The following RFTN1 variants were observed in gnomAD, a reference collection of about 807,000 sequenced individuals.
The protein encoded by RFTN1 is raftlin, lipid raft linker 1.
A neutral mutation model predicts 46.5 loss-of-function variants in RFTN1; 26 were observed. That is an observed-to-expected ratio of 0.56 (90% CI 0.41 to 0.78). The LOEUF (loss-of-function observed/expected upper bound fraction) is 0.78. Ranked by LOEUF, RFTN1 falls within the 30% of genes least tolerant of loss-of-function variation. The pLI is 0.00. For synonymous variants in RFTN1, 261 were observed against 284.2 expected (o/e 0.92, Z 0.82); for missense variants, 693 against 718.7 (o/e 0.96, Z 0.41).
chr3:16,420,674 A>G (rs1312083075), intron 3 of RFTN1, among the ~76,000 whole-genome samples: 1 of 152,264 alleles, frequency 6.6e-6, no homozygotes, highest in Non-Finnish European at 1.5e-5. Context: ...CGGTTTTGCT[A>G]CAGCATGTTT....
At chr3:16,378,615 G>A (rs1308179220) in intron 4 of RFTN1, among the ~76,000 whole-genome samples, 1 of 152,206 alleles carries the variant, frequency 6.6e-6, no homozygotes, top group Non-Finnish European at 1.5e-5. Context: ...AGTTTTGGCA[G>A]AGAAGGGCAG....
chr3:16,436,334 G>A (rs2075513832), intron 2 of RFTN1, among the ~76,000 whole-genome samples: 1 of 149,808 alleles, frequency 6.7e-6, no homozygotes, highest in Admixed American at 6.7e-5. Flanking sequence ...TTTGCATATA[G>A]TGGGTTTTGC....
Position 16,380,370 on chromosome 3 carries a change from G to A in RFTN1, c.442-2268C>T, listed in dbSNP as rs551105272. On this transcript the variant is annotated intron_variant, in intron 4 of 9. Coordinates refer to ENST00000334133, the MANE Select transcript of RFTN1 (RefSeq NM_015150.2). The surrounding 1 kb of genome is among the most constrained non-coding windows in gnomAD (Gnocchi z 4.8). Reference sequence around the variant, plus strand: ...CTCCTTATCAGTCCTGGGCTTCTGCGGCCCTGCAGAGACTGCTGTCATCTA... The same window carrying A: ...CTCCTTATCAGTCCTGGGCTTCTGCAGCCCTGCAGAGACTGCTGTCATCTA... Among the ~76,000 whole-genome samples, 4 of 152,242 alleles carry A rather than the reference G, an allele frequency of 2.6e-5. No homozygotes were observed. Among genetic ancestry groups the A allele is most frequent in the South Asian group, 2.1e-4 (1 of 4,822 alleles).
intron 8 of RFTN1, among the ~76,000 whole-genome samples, chr3:16,324,631 T>G (rs746359862): frequency 1.7e-5 from 2 of 120,234 alleles, no homozygotes; most frequent in Non-Finnish European, 1.7e-5. Flanking sequence ...CCTTTTAAGG[T>G]TGCATAGTAT....
At position 16,384,471 on chromosome 3, in the gene RFTN1, C is replaced by T. The variant is rs75432564; in HGVS notation, c.442-6369G>A. Among the ~76,000 whole-genome samples the T allele has an allele frequency of 8.1e-3, 1,229 of 152,266 alleles. 26 individuals carry two copies. The highest frequency in any genetic ancestry group is 0.028 in the African/African-American group (1,173 of 41,552). On this transcript the variant is annotated intron_variant, in intron 4 of 9. Coordinates refer to ENST00000334133, the MANE Select transcript of RFTN1 (RefSeq NM_015150.2). The surrounding 1 kb of genome is among the most constrained non-coding windows in gnomAD (Gnocchi z 4.7). ...CATCTGGTATCGATTCCAGGTCCTACGTGAGAGGCTGAAGTGTGGCAGGGA... is the reference window on the plus strand; with the variant it reads ...CATCTGGTATCGATTCCAGGTCCTATGTGAGAGGCTGAAGTGTGGCAGGGA...
intron 7 of RFTN1, among the ~76,000 whole-genome samples, chr3:16,332,172 A>AT (rs1360525161): frequency 2.6e-5 from 4 of 151,534 alleles, no homozygotes; most frequent in African/African-American, 2.4e-5. Context: ...TGAAAAATGT[A>AT]TTTTTCCCCC....
rs1401494073 is a variant in RFTN1 at position 16,320,135 on chromosome 3, C to T, written c.1333-2903G>A. 6.6e-6 allele frequency among the ~76,000 whole-genome samples: 1 copy of T among 152,184 alleles called. No individual in the cohort carries two copies. The highest frequency in any genetic ancestry group is 1.9e-4 in the East Asian group (1 of 5,206). ...AGCAGGAGCCAATGGATTTAATTTG[C>T]ACATTTTAAAAACTGCCCATGATGT... On this transcript the variant is annotated intron_variant, in intron 9 of 9. Transcript: ENST00000334133. The surrounding 1 kb of genome is among the most constrained non-coding windows in gnomAD (Gnocchi z 4.5).
Position 16,342,966 on chromosome 3 carries a change from G to T in RFTN1, c.1146+14966C>A, listed in dbSNP as rs553607071. On this transcript the variant is annotated intron_variant, in intron 7 of 9. Coordinates refer to ENST00000334133, the MANE Select transcript of RFTN1 (RefSeq NM_015150.2). This position sits in a 1 kb window ranked among gnomAD's most constrained non-coding sequence, Gnocchi z 4.0. ...GTGAGCCTCCCACTACAGCCCCTCT[G>T]AGTCGCTGGGAATACAGGCACACAC... Among the ~76,000 whole-genome samples, 4 of 152,160 alleles carry T rather than the reference G, an allele frequency of 2.6e-5. No individual in the cohort carries two copies. The East Asian group carries it at 7.7e-4, about 29-fold the overall frequency.
intron 8 of RFTN1, among the ~76,000 whole-genome samples, chr3:16,324,689 T>TTA (rs1225720380): frequency 3.5e-4 from 41 of 116,622 alleles, no homozygotes; most frequent in African/African-American, 6.4e-4. Flanking sequence ...TGTGTGTATT[T>TTA]TATATATATA....
Position 16,376,930 on chromosome 3 carries a change from C to T in RFTN1, c.826+788G>A, listed in dbSNP as rs1484974281. On this transcript the variant is annotated intron_variant, in intron 5 of 9. Coordinates refer to ENST00000334133, the MANE Select transcript of RFTN1 (RefSeq NM_015150.2). The surrounding 1 kb of genome is among the most constrained non-coding windows in gnomAD (Gnocchi z 4.7). ...AACAATATTAACCAGGGAGATCATC[C>T]AGAAAGGCCTAAACAGAAAGCCCTC... Among the ~76,000 whole-genome samples, 2 of 151,990 alleles carry T rather than the reference C, an allele frequency of 1.3e-5. No individual in the cohort carries two copies. Among genetic ancestry groups the T allele is most frequent in the Non-Finnish European group, 2.9e-5 (2 of 67,982 alleles).
chr3:16,382,107 A>G lies in RFTN1; in HGVS notation c.442-4005T>C, dbSNP rs531876903. ...TCCAGGGAAATTCACACCCCCAAGA[A>G]GAGGAAGCATATTTGTAGCTCTGCT... On this transcript the variant is annotated intron_variant, in intron 4 of 9. Coordinates refer to ENST00000334133, the MANE Select transcript of RFTN1 (RefSeq NM_015150.2). The surrounding 1 kb of genome is among the most constrained non-coding windows in gnomAD (Gnocchi z 4.7). 4.6e-5 allele frequency among the ~76,000 whole-genome samples: 7 copies of G among 152,320 alleles called. No individual in the cohort carries two copies. The highest frequency in any genetic ancestry group is 3.9e-4 in the East Asian group (2 of 5,190).
intron 7 of RFTN1, among the ~76,000 whole-genome samples, chr3:16,343,454 C>T (rs2071441301): frequency 6.6e-6 from 1 of 152,324 alleles, no homozygotes; most frequent in East Asian, 1.9e-4. Flanking sequence ...TTTTCCTCCT[C>T]CAAGATAAAC....
At chr3:16,375,548 T>A (rs954223114) in intron 5 of RFTN1, among the ~76,000 whole-genome samples, 3 of 151,764 alleles carry the variant, frequency 2.0e-5, no homozygotes, top group Admixed American at 2.0e-4. Context: ...TGTGAAATGA[T>A]CCCTGTATGA....
intron 2 of RFTN1, among the ~76,000 whole-genome samples, chr3:16,444,355 G>A (rs1416395623): frequency 6.6e-6 from 1 of 152,200 alleles, no homozygotes; most frequent in Non-Finnish European, 1.5e-5. Flanking sequence ...TAGAAATCCT[G>A]TATGGATTTT....
In RFTN1 at chr3:16,450,058, C is replaced by A. The variant is rs1387617557; in HGVS notation, c.146-16021G>T. 1.1e-4 allele frequency among the ~76,000 whole-genome samples: 16 copies of A among 152,174 alleles called. No individual in the cohort carries two copies. The highest frequency in any genetic ancestry group is 1.5e-4 in the Non-Finnish European group (10 of 68,024). ...CAAAGCAAAGGCAGAAGACATGTCA[C>A]CCCCATCCTGACCACTCTCCATGCC... On this transcript the variant is annotated intron_variant, in intron 2 of 9. Transcript: ENST00000334133. This position sits in a 1 kb window ranked among gnomAD's most constrained non-coding sequence, Gnocchi z 4.6.
At chr3:16,508,651 G>T (rs562829984) in intron 1 of RFTN1, among the ~76,000 whole-genome samples, 1 of 151,280 alleles carries the variant, frequency 6.6e-6, no homozygotes, top group African/African-American at 2.4e-5. Flanking sequence ...AGATTCAAAC[G>T]TATGTCAAAA....
chr3:16,338,079 T>A lies in RFTN1; in HGVS notation c.1147-11203A>T, dbSNP rs975164425. 1.3e-5 allele frequency among the ~76,000 whole-genome samples: 2 copies of A among 152,238 alleles called. No individual in the cohort carries two copies. The highest frequency in any genetic ancestry group is 2.9e-5 in the Non-Finnish European group (2 of 68,042). On this transcript the variant is annotated intron_variant, in intron 7 of 9. Transcript: ENST00000334133. This position sits in a 1 kb window ranked among gnomAD's most constrained non-coding sequence, Gnocchi z 5.3. ...AGCTGGCAAGAAAACCAAACCTGCA[T>A]GTGCAAGATAACATTCTCCTGGATT... is the stretch of plus-strand genomic sequence containing the variant.
intron 1 of RFTN1, among the ~76,000 whole-genome samples, chr3:16,505,567 A>G (rs1018256444): frequency 4.6e-5 from 7 of 152,196 alleles, no homozygotes; most frequent in African/African-American, 1.7e-4. Context: ...AAACCCAGAG[A>G]ATAGTTGATG....
In RFTN1 at chr3:16,457,378, G is replaced by C. The variant is rs1036072835; in HGVS notation, c.146-23341C>G. Among the ~76,000 whole-genome samples, 3 of 152,132 alleles carry C rather than the reference G, an allele frequency of 2.0e-5. No homozygotes were observed. Among genetic ancestry groups the C allele is most frequent in the African/African-American group, 7.2e-5 (3 of 41,432 alleles). On this transcript the variant is annotated intron_variant, in intron 2 of 9. Coordinates refer to ENST00000334133, the MANE Select transcript of RFTN1 (RefSeq NM_015150.2). The surrounding 1 kb of genome is among the most constrained non-coding windows in gnomAD (Gnocchi z 4.2). ...CTTAATCTTCCTCCAAGTATAAAAAGGAAGAATAACAATATTTAACTGGTA... is the reference window on the plus strand; with the variant it reads ...CTTAATCTTCCTCCAAGTATAAAAACGAAGAATAACAATATTTAACTGGTA...
Sources: gnomAD v4.1 joint callset for allele counts (sites outside exome capture counted in the v4.1 genomes callset) on GRCh38, gnomAD v4.1.1 for gene constraint, Gnocchi (gnomAD v3.1) non-coding constraint, MANE v1.5 for transcripts, NCBI Gene and HGNC (gene_info 2026-07-23, HGNC 2026-07-21) for gene names.